Variants in NEK10 observed in about 807,000 individuals in gnomAD.
NEK10 encodes the protein serine/threonine-protein kinase Nek10.
NEK10 carries 122 observed loss-of-function variants against 159.8 expected under a neutral mutation model. The observed-to-expected ratio is 0.76, with a 90% confidence interval of 0.66 to 0.89. The LOEUF (loss-of-function observed/expected upper bound fraction) is 0.89. Among genes scored for constraint, NEK10 ranks in the 40% least tolerant of loss-of-function variants. The pLI, the probability that NEK10 is intolerant of heterozygous loss-of-function variation, is 0.00. For synonymous variants in NEK10, 466 were observed against 457.1 expected, an observed-to-expected ratio of 1.02 and a Z score of -0.25; for missense variants, 1,342 against 1,323.1, an observed-to-expected ratio of 1.01 and a Z score of -0.22.
chr3:27,267,712 TC>T (rs1259687054), intron 22 of NEK10, among the ~76,000 whole-genome samples: 1 of 152,028 alleles, frequency 6.6e-6, no homozygotes, highest in Non-Finnish European at 1.5e-5. Context: ...AGCCTCCTTA[TC>T]CCCCTAGACA....
intron 20 of NEK10, among the ~76,000 whole-genome samples, chr3:27,286,400 T>G (rs988351272): frequency 1.3e-5 from 2 of 149,688 alleles, no homozygotes; most frequent in Non-Finnish European, 3.0e-5. Flanking sequence ...TTTTTCTTTC[T>G]GAGGCAGAGT....
chr3:27,306,934 C>T (rs1575673363), intron 11 of NEK10, among the ~76,000 whole-genome samples: 1 of 152,190 alleles, frequency 6.6e-6, no homozygotes, highest in East Asian at 1.9e-4. Flanking sequence ...TGTTGTCTCT[C>T]TCTCTCTGCC....
chr3:27,174,556 A>G, intron 27 of NEK10, 31 bp from the exon 28 acceptor site: 2 of 1,601,900 alleles, frequency 1.2e-6, no homozygotes, highest in Non-Finnish European at 1.7e-6. Flanking sequence ...TAAAAAAGCA[A>G]ATGAGTCTTG....
At chr3:27,149,660 C>A (rs961120384) in intron 30 of NEK10, among the ~76,000 whole-genome samples, 1 of 152,122 alleles carries the variant, frequency 6.6e-6, no homozygotes, top group African/African-American at 2.4e-5. Flanking sequence ...GCCATTCCCC[C>A]ATCTTTCCCT....
At chr3:27,232,056 A>C (rs1953341276) in intron 23 of NEK10, among the ~76,000 whole-genome samples, 1 of 151,858 alleles carries the variant, frequency 6.6e-6, no homozygotes, top group Non-Finnish European at 1.5e-5. Context: ...CAGATTAATA[A>C]CCCTGATGAA....
At chr3:27,270,700 T>A (rs895964916) in intron 22 of NEK10, among the ~76,000 whole-genome samples, 3 of 152,128 alleles carry the variant, frequency 2.0e-5, no homozygotes, top group African/African-American at 7.2e-5. Context: ...TCCAAAAGGA[T>A]CTTTTAAATA....
At chr3:27,205,498 A>T (rs1344601547) in intron 23 of NEK10, among the ~76,000 whole-genome samples, 1 of 100,468 alleles carries the variant, frequency 1.0e-5, no homozygotes, top group Non-Finnish European at 1.9e-5. Flanking sequence ...TGGTACTGGT[A>T]CCAAAACAGA....
At chr3:27,365,700 C>T (rs188226128) in intron 1 of NEK10, among the ~76,000 whole-genome samples, 1 of 144,936 alleles carries the variant, frequency 6.9e-6, no homozygotes, top group East Asian at 2.0e-4. Flanking sequence ...GCAACCTCCT[C>T]CTCCCAGCTT....
chr3:27,365,040 C>T (rs2048959739), intron 1 of NEK10, among the ~76,000 whole-genome samples: 1 of 152,182 alleles, frequency 6.6e-6, no homozygotes. Flanking sequence ...CAGAACCCTT[C>T]CTGTTAATCT....
At chr3:27,339,114 C>T (rs1395808224) in intron 5 of NEK10, among the ~76,000 whole-genome samples, 1 of 152,042 alleles carries the variant, frequency 6.6e-6, no homozygotes, top group East Asian at 1.9e-4. Context: ...GCAAATTATA[C>T]CATTAAAAAG....
chr3:27,196,640 G>T (rs549904130), intron 25 of NEK10, among the ~76,000 whole-genome samples: 1 of 152,292 alleles, frequency 6.6e-6, no homozygotes, highest in Admixed American at 6.5e-5. Context: ...CATAGCCAGG[G>T]TCTATTAGTT....
intron 5 of NEK10, among the ~76,000 whole-genome samples, chr3:27,328,175 A>T (rs913832074): frequency 1.3e-5 from 2 of 152,218 alleles, no homozygotes; most frequent in African/African-American, 4.8e-5. Context: ...TGAAAATTTC[A>T]GAATATTTTC....
At chr3:27,357,468 T>C (rs1352189646) in intron 1 of NEK10, among the ~76,000 whole-genome samples, 3 of 152,172 alleles carry the variant, frequency 2.0e-5, no homozygotes, top group African/African-American at 7.2e-5. Flanking sequence ...TAGAGTTCTA[T>C]ATAAGAAAAT....
intron 23 of NEK10, among the ~76,000 whole-genome samples, chr3:27,222,351 C>T (rs1361068306): frequency 2.0e-5 from 3 of 152,058 alleles, no homozygotes; most frequent in Non-Finnish European, 4.4e-5. Flanking sequence ...CCAGCCTGGG[C>T]GACAGCGAGA....
intron 26 of NEK10, among the ~76,000 whole-genome samples, chr3:27,178,106 C>T (rs1349739493): frequency 6.6e-6 from 1 of 152,146 alleles, no homozygotes; most frequent in Non-Finnish European, 1.5e-5. Context: ...GAAATCAGCA[C>T]CATTATAGAA....
intron 6 of NEK10, among the ~76,000 whole-genome samples, chr3:27,317,892 T>C (rs1018370447): frequency 3.3e-5 from 5 of 152,142 alleles, no homozygotes; most frequent in Non-Finnish European, 5.9e-5. Flanking sequence ...AAGCTCCGCC[T>C]CCCGGGTTCA....
intron 23 of NEK10, among the ~76,000 whole-genome samples, chr3:27,234,595 T>C (rs1018570730): frequency 9.2e-5 from 14 of 152,118 alleles, no homozygotes; most frequent in African/African-American, 2.9e-4. Context: ...TACAAACCAC[T>C]GCTCAAAGAA....
chr3:27,209,980 G>A (rs1417012730), intron 23 of NEK10, among the ~76,000 whole-genome samples: 1 of 140,674 alleles, frequency 7.1e-6, no homozygotes, highest in Non-Finnish European at 1.5e-5. Context: ...TCCGAATCCA[G>A]GAAAGATTAA....
At chr3:27,284,324 T>G (rs1479378729) in intron 22 of NEK10, among the ~76,000 whole-genome samples, 1 of 152,080 alleles carries the variant, frequency 6.6e-6, no homozygotes, top group Non-Finnish European at 1.5e-5. Context: ...AGGTGGAGGT[T>G]GCAGTGAGCT....
Sources: allele counts gnomAD v4.1 joint callset (sites outside exome capture counted in the v4.1 genomes callset), GRCh38; gene constraint gnomAD v4.1.1; transcripts MANE v1.5; gene names NCBI Gene and HGNC (gene_info 2026-07-23, HGNC 2026-07-21).